MTOR: variants seen among roughly 807,000 people sequenced by gnomAD.
MTOR encodes mechanistic target of rapamycin kinase.
A neutral mutation model predicts 319.8 loss-of-function variants in MTOR; 70 were observed. The observed-to-expected ratio is 0.22, with a 90% confidence interval of 0.18 to 0.27. The LOEUF is 0.27. Ranked by LOEUF, MTOR falls within the 10% of genes least tolerant of loss-of-function variation. The probability of loss-of-function intolerance (pLI) is 1.00; values close to 1 mark genes in which losing one functional copy is unlikely to be tolerated. For missense variants in MTOR, 1,890 were observed against 3,274.4 expected, an observed-to-expected ratio of 0.58 and a Z score of 10.32; for synonymous variants, 1,183 against 1,211.4, an observed-to-expected ratio of 0.98 and a Z score of 0.49.
At chr1:11,187,471 T>C (rs1456755270) in intron 28 of MTOR, among the ~76,000 whole-genome samples, 2 of 152,160 alleles carry the variant, frequency 1.3e-5, no homozygotes, top group African/African-American at 4.8e-5. Flanking sequence ...GAGGATCTAA[T>C]GCTGCCACCG....
chr1:11,129,148 G>A lies in MTOR; in HGVS notation c.5715-197C>T, dbSNP rs1642993489. Reference sequence around the variant, plus strand: ...GACTGAACACCGTAAGAGTCACCCTGAGCAAATGAGCATTTCATCCCAGGT... The same window carrying A: ...GACTGAACACCGTAAGAGTCACCCTAAGCAAATGAGCATTTCATCCCAGGT... On this transcript the variant is annotated intron_variant, in intron 40 of 57. Transcript: ENST00000361445. This position sits in a 1 kb window ranked among gnomAD's most constrained non-coding sequence, Gnocchi z 4.7. Among the ~76,000 whole-genome samples, 1 of 152,180 alleles carries A rather than the reference G, an allele frequency of 6.6e-6. No homozygotes were observed. The highest frequency in any genetic ancestry group is 1.5e-5 in the Non-Finnish European group (1 of 68,036).
At chr1:11,126,936 T>C in intron 45 of MTOR, 74 bp downstream of exon 45, 5 of 1,590,908 alleles carry the variant, frequency 3.1e-6, no homozygotes, top group Non-Finnish European at 1.7e-6. Flanking sequence ...GAATGAGTGT[T>C]AGAACATTCA....
rs1343476907 is a variant in MTOR, at chr1:11,107,186, C to T, written c.*299G>A. 1.4e-6 allele frequency: 2 copies of T among 1,386,072 alleles called. No individual in the cohort carries two copies. Among genetic ancestry groups the T allele is most frequent in the African/African-American group, 1.4e-5 (1 of 69,540 alleles). 85.9% of individuals were successfully genotyped at this position (1,386,072 alleles called of 1,614,324 possible). The stretch of plus-strand genomic sequence containing the variant: ...GTTCTCTTGTGAGTTAAGTCAAAAC[C>T]CGTATTTCTAAAGTTATGGATCTTC... On this transcript the variant is annotated 3_prime_UTR_variant, in exon 58 of 58. Coordinates refer to ENST00000361445, the MANE Select transcript of MTOR (RefSeq NM_004958.4).
chr1:11,154,509 T>C (rs1351157448), intron 30 of MTOR, among the ~76,000 whole-genome samples: 1 of 149,438 alleles, frequency 6.7e-6, no homozygotes, highest in African/African-American at 2.5e-5. Context: ...AATTGTGGAA[T>C]ATTATCTCTC....
chr1:11,199,789 C>T lies in MTOR; in HGVS notation c.3945-86G>A, dbSNP rs1645901143. The T allele has an allele frequency of 6.2e-6, 9 of 1,461,300 alleles. No individual in the cohort carries two copies. The highest frequency in any genetic ancestry group is 5.6e-6 in the Non-Finnish European group (6 of 1,070,358). The allele number at this position is 1,461,300 out of a possible 1,614,324, so 90.5% of individuals were successfully genotyped here. ...GTCACACCTATCAATTCGCTTTTGG[C>T]ATCACTGATTTTGGTTATACAAACC... On this transcript the variant is annotated intron_variant, in intron 26 of 57. Transcript: ENST00000361445. This position sits in a 1 kb window ranked among gnomAD's most constrained non-coding sequence, Gnocchi z 4.5.
At position 11,212,882 on chromosome 1, in the gene MTOR, G is replaced by A. The variant is rs751480341; in HGVS notation, c.3312C>T (p.Gly1104=). The part of the protein sequence containing the change: ...IKLLAAIQLF[G]ANLDDYLHLL... ...AATGCAGGTAGTCATCCAGGTTGGC[G>A]CCAAACAGCTGGATTGCAGCCAGTA... Residue 1104 remains glycine, a synonymous_variant, in exon 22 of 58, where the codon GGC becomes GGT. Coordinates refer to ENST00000361445, the MANE Select transcript of MTOR (RefSeq NM_004958.4). This position sits in a 1 kb window ranked among gnomAD's most constrained non-coding sequence, Gnocchi z 4.1. The A allele has an allele frequency of 5.0e-6, 8 of 1,613,896 alleles. No homozygotes were observed. The highest frequency in any genetic ancestry group is 1.3e-5 in the African/African-American group (1 of 74,912).
At chr1:11,170,357 G>T (rs576549745) in intron 28 of MTOR, among the ~76,000 whole-genome samples, 6 of 151,004 alleles carry the variant, frequency 4.0e-5, no homozygotes, top group Non-Finnish European at 8.8e-5. Context: ...ACTAGGTATA[G>T]ATTTGGGATT....
intron 28 of MTOR, among the ~76,000 whole-genome samples, chr1:11,183,129 A>G (rs753760425): frequency 4.6e-5 from 7 of 152,156 alleles, no homozygotes. Flanking sequence ...AACATTTGCT[A>G]TTTTCAGCCT....
At chr1:11,260,719 C>CTT (rs35365679) in intron 1 of MTOR, among the ~76,000 whole-genome samples, 11 of 148,990 alleles carry the variant, frequency 7.4e-5, no homozygotes, top group East Asian at 2.0e-4. Flanking sequence ...AGTGTCCATT[C>CTT]TTTTTTTTTA....
chr1:11,118,228 ATTTTTTTTTT>A (rs771785403), intron 49 of MTOR, among the ~76,000 whole-genome samples: 2,493 of 120,760 alleles, frequency 0.021, 82 homozygotes, highest in South Asian at 0.067. Context: ...AACTTAGTTA[ATTTTTTTTTT>A]TTTTTTTTTT....
chr1:11,234,895 T>C (rs1346356858), intron 13 of MTOR, among the ~76,000 whole-genome samples: 1 of 152,108 alleles, frequency 6.6e-6, no homozygotes, highest in Non-Finnish European at 1.5e-5. Flanking sequence ...TTGCTCATGG[T>C]GACATAGACA....
intron 36 of MTOR, among the ~76,000 whole-genome samples, chr1:11,134,900 G>A (rs929704780): frequency 2.0e-5 from 3 of 152,128 alleles, no homozygotes; most frequent in African/African-American, 4.8e-5. Context: ...ACAGTCCAGC[G>A]GAGCAAAAAC....
intron 29 of MTOR, among the ~76,000 whole-genome samples, chr1:11,159,623 A>G (rs1351815864): frequency 6.6e-6 from 1 of 151,670 alleles, no homozygotes; most frequent in Non-Finnish European, 1.5e-5. Flanking sequence ...CCTGGGCAAC[A>G]AGAGCAAAAC....
At position 11,256,035 on chromosome 1, in the gene MTOR, G is replaced by A. The variant is rs752610652; in HGVS notation, c.662C>T (p.Thr221Ile). 12 of 1,614,134 alleles carry A rather than the reference G, an allele frequency of 7.4e-6. No individual in the cohort carries two copies. Among genetic ancestry groups the A allele is most frequent in the Non-Finnish European group, 1.0e-5 (12 of 1,180,036 alleles). Residue 221 changes from threonine to isoleucine, a missense_variant, in exon 5 of 58, where the codon ACC (threonine) becomes ATC (isoleucine). Physicochemically the swap from Thr to Ile is moderately conservative, Grantham distance 89. This residue lies in a region of MTOR where 81 missense variants were observed against 203.6 expected (regional missense o/e 0.40). Coordinates refer to ENST00000361445, the MANE Select transcript of MTOR (RefSeq NM_004958.4). ...AALRACLILT[T>I]QREPKEMQKP... ...CTGCATCTCCTTCGGCTCACGCTGG[G>A]TTGTGAGAATCAGACAGGCACGAAG...
intron 18 of MTOR, among the ~76,000 whole-genome samples, 158 bp downstream of exon 18, chr1:11,230,767 G>A (rs1646989675): frequency 6.6e-6 from 1 of 152,176 alleles, no homozygotes; most frequent in Non-Finnish European, 1.5e-5. Flanking sequence ...ACCCTTCCGG[G>A]ATTCAAGAAG....
intron 29 of MTOR, among the ~76,000 whole-genome samples, chr1:11,166,170 C>G (rs1644637879): frequency 6.6e-6 from 1 of 152,180 alleles, no homozygotes; most frequent in Non-Finnish European, 1.5e-5. Context: ...CAATACCATT[C>G]AGGACATAGG....
intron 32 of MTOR, among the ~76,000 whole-genome samples, chr1:11,146,117 T>C (rs1203765399): frequency 6.6e-6 from 1 of 152,200 alleles, no homozygotes; most frequent in Admixed American, 6.5e-5. Flanking sequence ...TTCCCGTTTT[T>C]GAATGTTTAA....
At chr1:11,187,555 C>G (rs902203177) in intron 28 of MTOR, among the ~76,000 whole-genome samples, 3 of 152,194 alleles carry the variant, frequency 2.0e-5, no homozygotes, top group Non-Finnish European at 4.4e-5. Flanking sequence ...TGGCCCTATT[C>G]CTAACAGGCC....
chr1:11,223,858 G>A (rs1646746139), intron 19 of MTOR, among the ~76,000 whole-genome samples: 1 of 151,830 alleles, frequency 6.6e-6, no homozygotes, highest in South Asian at 2.1e-4. Flanking sequence ...TGGCCAATAT[G>A]GTGAAATCCT....
Sources: gnomAD v4.1 joint callset for allele counts (sites outside exome capture counted in the v4.1 genomes callset) on GRCh38, gnomAD v4.1.1 for gene constraint, gnomAD v4.1.1 regional missense constraint, Gnocchi (gnomAD v3.1) non-coding constraint, MANE v1.5 for transcripts, NCBI Gene and HGNC (gene_info 2026-07-23, HGNC 2026-07-21) for gene names.